The following ATP10A variants were observed in gnomAD, a reference collection of about 807,000 sequenced individuals.
ATP10A encodes ATPase phospholipid transporting 10A (putative), also known as phospholipid-transporting ATPase VA.
In ATP10A, 111 loss-of-function variants were observed where a neutral mutation model predicts 147.8. The observed-to-expected ratio is 0.75, with a 90% CI of 0.64 to 0.88. The LOEUF (loss-of-function observed/expected upper bound fraction) is 0.88. Ranked by LOEUF, ATP10A falls within the 40% of genes least tolerant of loss-of-function variation. The probability of loss-of-function intolerance (pLI) is 0.00; values close to 1 mark genes in which losing one functional copy is unlikely to be tolerated. For synonymous variants in ATP10A, 875 were observed against 841.6 expected (o/e 1.04, Z -0.69); for missense variants, 1,927 against 1,959.0 (o/e 0.98, Z 0.31).
At chr15:25,686,197 AG>A (rs1197689522) in intron 16 of ATP10A, among the ~76,000 whole-genome samples, 1 of 152,140 alleles carries the variant, frequency 6.6e-6, no homozygotes, top group African/African-American at 2.4e-5. Flanking sequence ...CGAAAAATGA[AG>A]GGGGTGAGTG....
At chr15:25,863,988 A>T (rs2076749), upstream of ATP10A, among the ~76,000 whole-genome samples, 26,052 of 152,240 alleles carry the variant, frequency 0.17, 2,761 homozygotes, top group Middle Eastern at 0.27. Flanking sequence ...TCGCTATAGC[A>T]AAGACAGAAT....
intron 1 of ATP10A, among the ~76,000 whole-genome samples, chr15:25,814,950 T>C (rs1241579314): frequency 2.6e-5 from 4 of 152,168 alleles, no homozygotes; most frequent in Non-Finnish European, 5.9e-5. Context: ...GGTGTGTACC[T>C]TATAAATACG....
rs1230263765 is a variant in ATP10A at position 25,717,019 on chromosome 15, C to G, written c.1582-95G>C. 7 of 1,013,984 alleles carry G rather than the reference C, an allele frequency of 6.9e-6. No homozygotes were observed. In the Admixed American group the frequency reaches 2.0e-4, roughly 28 times the overall value. The allele number at this position is 1,013,984 out of a possible 1,614,324, so 62.8% of individuals were successfully genotyped here. On this transcript the variant is annotated intron_variant, in intron 8 of 20. Transcript: ENST00000555815. ...TAAGGTACTTTGATTTTATTATAAG[C>G]TGTAAACAGAACTTCATCTCTCATA...
At chr15:25,734,180 C>G (rs547978854) in intron 3 of ATP10A, among the ~76,000 whole-genome samples, 3 of 152,164 alleles carry the variant, frequency 2.0e-5, no homozygotes, top group South Asian at 2.1e-4. Context: ...CCGCCCCTCT[C>G]GTCCACCCCA....
Position 25,694,927 on chromosome 15 carries a change from G to A in ATP10A, c.2980C>T (p.Leu994Phe), listed in dbSNP as rs1380526061. ...AGGACGGAGCGGCACTGCTTGGCAA[G>A]GAAGAGGAATTTGTCCTCCAGGTTT... ...EKNLEDKFLF[L>F]AKQCRSVLCC... The change falls in exon 14 of 21, where the codon CTT (leucine) becomes TTT (phenylalanine). Residue 994 changes from leucine (L) to phenylalanine (F), a missense_variant. By Grantham distance (22) the Leu-to-Phe change is conservative (BLOSUM62 0). Transcript: ENST00000555815. 1 of 1,614,194 alleles carries A rather than the reference G, an allele frequency of 6.2e-7. No homozygotes were observed. Among genetic ancestry groups the A allele is most frequent in the Non-Finnish European group, 8.5e-7 (1 of 1,180,042 alleles).
intron 10 of ATP10A, among the ~76,000 whole-genome samples, chr15:25,711,807 T>C (rs1171113209): frequency 1.3e-5 from 2 of 152,200 alleles, no homozygotes; most frequent in East Asian, 3.9e-4. Flanking sequence ...ACGCTGACGA[T>C]GCCAGGTCTG....
chr15:25,680,940 T>C (rs1899373678), intron 18 of ATP10A, 26 bp from the exon 19 acceptor site: 1 of 1,613,368 alleles, frequency 6.2e-7, no homozygotes, highest in Non-Finnish European at 8.5e-7. Flanking sequence ...GTCCTGGATC[T>C]GTAGGTCCCC....
chr15:25,760,753 G>A (rs556466442), intron 2 of ATP10A, among the ~76,000 whole-genome samples: 1 of 152,306 alleles, frequency 6.6e-6, no homozygotes, highest in African/African-American at 2.4e-5. Context: ...GACTGAGGCA[G>A]GAGGATGGCT....
At chr15:25,764,256 G>A (rs1677109626) in intron 2 of ATP10A, among the ~76,000 whole-genome samples, 1 of 152,162 alleles carries the variant, frequency 6.6e-6, no homozygotes, top group Non-Finnish European at 1.5e-5. Flanking sequence ...CCAACCTAAG[G>A]TGCACCGTGC....
chr15:25,864,808 A>T (rs1009373938), upstream of ATP10A, among the ~76,000 whole-genome samples: 5 of 152,142 alleles, frequency 3.3e-5, no homozygotes, highest in African/African-American at 1.2e-4. Flanking sequence ...GAGGCCTCAC[A>T]TCCCATGGCT....
intron 2 of ATP10A, among the ~76,000 whole-genome samples, chr15:25,776,819 C>T (rs570080922): frequency 9.9e-5 from 15 of 152,156 alleles, no homozygotes; most frequent in Non-Finnish European, 2.1e-4. Context: ...AACCCTATTC[C>T]GCCTCTGGGG....
intron 1 of ATP10A, among the ~76,000 whole-genome samples, chr15:25,807,597 G>A (rs935244081): frequency 1.3e-5 from 2 of 152,208 alleles, no homozygotes; most frequent in Non-Finnish European, 2.9e-5. Flanking sequence ...GAGGTCAAGA[G>A]TTCGAGACCA....
At position 25,782,422 on chromosome 15, in the gene ATP10A, A is replaced by C. The variant is rs116023194; in HGVS notation, c.450-1199T>G. ...AGTTGAAATGGCAGATTTTATGTGC[A>C]TTTTATAATTTAAAAAATGTAAAAT... On this transcript the variant is annotated intron_variant, in intron 1 of 20. Transcript: ENST00000555815. Among the ~76,000 whole-genome samples, 522 of 152,374 alleles carry C rather than the reference A, an allele frequency of 3.4e-3. No homozygotes were observed. In the Middle Eastern group the frequency reaches 0.037, roughly 11 times the overall value.
At chr15:25,817,611 C>T (rs938011096) in intron 1 of ATP10A, among the ~76,000 whole-genome samples, 2 of 152,146 alleles carry the variant, frequency 1.3e-5, no homozygotes, top group East Asian at 1.9e-4. Flanking sequence ...TGCTCAAATG[C>T]ACACAAATTA....
chr15:25,672,853 G>T (rs188981309), downstream of ATP10A, among the ~76,000 whole-genome samples: 1 of 152,100 alleles, frequency 6.6e-6, no homozygotes, highest in Admixed American at 6.6e-5. Context: ...AGGGTAGACC[G>T]AGGGTAAGGG....
chr15:25,703,704 T>G (rs1333436621), intron 12 of ATP10A, among the ~76,000 whole-genome samples: 1 of 152,176 alleles, frequency 6.6e-6, no homozygotes, highest in Non-Finnish European at 1.5e-5. Context: ...TTGATACACT[T>G]TCACAAGTCA....
At chr15:25,810,148 C>T (rs1455798365) in intron 1 of ATP10A, among the ~76,000 whole-genome samples, 3 of 152,140 alleles carry the variant, frequency 2.0e-5, no homozygotes, top group Admixed American at 6.6e-5. Context: ...ACAGTGGGGA[C>T]GTGTTGGGGA....
intron 13 of ATP10A, among the ~76,000 whole-genome samples, chr15:25,699,992 G>C (rs535427451): frequency 1.8e-4 from 28 of 152,120 alleles, no homozygotes; most frequent in African/African-American, 6.5e-4. Context: ...AAATCACATA[G>C]CCCACAAAGG....
chr15:25,765,202 A>T (rs1888958819), intron 2 of ATP10A, among the ~76,000 whole-genome samples: 1 of 152,176 alleles, frequency 6.6e-6, no homozygotes, highest in Non-Finnish European at 1.5e-5. Flanking sequence ...TGCCTGGCAC[A>T]GCCTGGTGGC....
Sources: allele counts gnomAD v4.1 joint callset (sites outside exome capture counted in the v4.1 genomes callset), GRCh38; gene constraint gnomAD v4.1.1; transcripts MANE v1.5; gene names NCBI Gene and HGNC (gene_info 2026-07-23, HGNC 2026-07-21).